The following CLSTN2 variants were observed in gnomAD, a reference collection of about 807,000 sequenced individuals.
The protein encoded by CLSTN2 is calsyntenin 2.
In CLSTN2, 48 loss-of-function variants were observed where a neutral mutation model predicts 101.2. The observed-to-expected ratio is 0.47, with a 90% CI of 0.38 to 0.60. The LOEUF (loss-of-function observed/expected upper bound fraction) is 0.60, where lower values mean the gene tolerates loss of function less well. Among genes scored for constraint, CLSTN2 ranks in the 20% least tolerant of loss-of-function variants. The probability of loss-of-function intolerance (pLI) is 0.00; values close to 1 mark genes in which losing one functional copy is unlikely to be tolerated. For missense variants in CLSTN2, 1,160 were observed against 1,238.2 expected, an observed-to-expected ratio of 0.94 and a Z score of 0.95; for synonymous variants, 481 against 463.6, an observed-to-expected ratio of 1.04 and a Z score of -0.48.
At chr3:140,112,737 C>T (rs912842773) in intron 1 of CLSTN2, among the ~76,000 whole-genome samples, 10 of 152,030 alleles carry the variant, frequency 6.6e-5, no homozygotes, top group Admixed American at 2.0e-4. Flanking sequence ...TAGCAGGCAC[C>T]GTGGTGAGAG....
At position 140,569,565 on chromosome 3, in the gene CLSTN2, CAT is replaced by C. The variant is rs1985458552; in HGVS notation, c.*3317_*3318del. On this transcript the variant is annotated 3_prime_UTR_variant, in exon 17 of 17. Transcript: ENST00000458420. ...GTAGCCTGCCTTAAAAAATACTAAA[CAT>C]ATATCATCATACATTTGATCAAATG... 1 of 152,216 alleles carries C rather than the reference CAT, an allele frequency of 6.6e-6. No homozygotes were observed. The highest frequency in any genetic ancestry group is 6.5e-5 in the Admixed American group (1 of 15,290). The allele number at this position is 152,216 out of a possible 1,614,324, so 9.4% of individuals were successfully genotyped here.
intron 1 of CLSTN2, among the ~76,000 whole-genome samples, chr3:139,993,409 C>T (rs919888820): frequency 3.3e-5 from 5 of 152,132 alleles, no homozygotes; most frequent in Non-Finnish European, 7.3e-5. Flanking sequence ...GGTGGCCCTT[C>T]GTTTCCTAAT....
At chr3:140,121,866 G>A (rs1560101412) in intron 1 of CLSTN2, among the ~76,000 whole-genome samples, 1 of 152,122 alleles carries the variant, frequency 6.6e-6, no homozygotes, top group African/African-American at 2.4e-5. Flanking sequence ...GGAGGACTAC[G>A]CTGCCAACAC....
chr3:140,066,986 A>G (rs1444128757), intron 1 of CLSTN2, among the ~76,000 whole-genome samples: 1 of 152,224 alleles, frequency 6.6e-6, no homozygotes, highest in African/African-American at 2.4e-5. Flanking sequence ...AGTGGATTTC[A>G]TCAATCTCAA....
At chr3:140,390,538 T>C (rs943791106) in intron 2 of CLSTN2, among the ~76,000 whole-genome samples, 29 of 152,356 alleles carry the variant, frequency 1.9e-4, no homozygotes, top group South Asian at 1.0e-3. Flanking sequence ...TTTATGAACA[T>C]AACATGTGAG....
At chr3:140,267,466 A>G (rs1367479752) in intron 2 of CLSTN2, among the ~76,000 whole-genome samples, 1 of 152,190 alleles carries the variant, frequency 6.6e-6, no homozygotes, top group African/African-American at 2.4e-5. Context: ...GTCTATGGAT[A>G]TTGAAGGAAC....
intron 8 of CLSTN2, among the ~76,000 whole-genome samples, chr3:140,510,693 A>G (rs1934794735): frequency 6.6e-6 from 1 of 152,190 alleles, no homozygotes. Flanking sequence ...CTGAGCTGTC[A>G]TGATTACCTT....
intron 2 of CLSTN2, among the ~76,000 whole-genome samples, chr3:140,176,369 A>G (rs914577549): frequency 1.3e-5 from 2 of 152,198 alleles, no homozygotes; most frequent in Non-Finnish European, 2.9e-5. Context: ...AAGTTGGGCT[A>G]GTAAGGTTCT....
chr3:139,967,471 A>G (rs1173558172), intron 1 of CLSTN2, among the ~76,000 whole-genome samples: 2 of 152,172 alleles, frequency 1.3e-5, no homozygotes, highest in African/African-American at 4.8e-5. Flanking sequence ...TTGAGAAAGG[A>G]CAGCCAGGGA....
chr3:140,471,613 T>C (rs1423728864), intron 8 of CLSTN2, among the ~76,000 whole-genome samples: 2 of 152,120 alleles, frequency 1.3e-5, no homozygotes, highest in African/African-American at 4.8e-5. Flanking sequence ...TTATACCCAG[T>C]TTACATATCC....
chr3:140,089,751 C>T (rs540246011), intron 1 of CLSTN2, among the ~76,000 whole-genome samples: 6 of 151,718 alleles, frequency 4.0e-5, no homozygotes, highest in African/African-American at 7.2e-5. Flanking sequence ...GCTGGGACTA[C>T]AGGCATGCAC....
chr3:139,978,073 G>A (rs1935850873), intron 1 of CLSTN2, among the ~76,000 whole-genome samples: 1 of 152,142 alleles, frequency 6.6e-6, no homozygotes, highest in African/African-American at 2.4e-5. Flanking sequence ...ACCAGAGAAA[G>A]GGCTTGTGCA....
At position 140,419,758 on chromosome 3, in the gene CLSTN2, C is replaced by A. The variant is rs1167873384; in HGVS notation, c.638-1367C>A. On this transcript the variant is annotated intron_variant, in intron 4 of 16. Transcript: ENST00000458420. Reference sequence around the variant, plus strand: ...GTATATACGTATATATACACATATACGTGTATACACGTGTATACACGTATA... The same window carrying A: ...GTATATACGTATATATACACATATAAGTGTATACACGTGTATACACGTATA... 3.3e-5 allele frequency among the ~76,000 whole-genome samples: 2 copies of A among 60,436 alleles called. 1 individual carries two copies. Among genetic ancestry groups the A allele is most frequent in the Admixed American group, 2.8e-4 (2 of 7,102 alleles). The allele number at this position is 60,436 out of a possible 152,430, so 39.6% of individuals were successfully genotyped here. A position where few individuals can be genotyped will look rare whatever the true frequency, so the allele number is the denominator to read the frequency against.
chr3:140,425,128 G>A (rs2088552600), intron 5 of CLSTN2, among the ~76,000 whole-genome samples: 1 of 152,220 alleles, frequency 6.6e-6, no homozygotes, highest in South Asian at 2.1e-4. Flanking sequence ...GGAGGGGATT[G>A]CAGCACAGTG....
intron 2 of CLSTN2, among the ~76,000 whole-genome samples, chr3:140,257,559 GGGGTGT>G (rs1369865412): frequency 1.6e-5 from 1 of 64,504 alleles, no homozygotes; most frequent in Non-Finnish European, 3.5e-5. Flanking sequence ...TTTCTTTCTA[GGGGTGT>G]GTGTGTGTGT....
intron 8 of CLSTN2, among the ~76,000 whole-genome samples, chr3:140,484,936 G>A (rs112999418): frequency 0.033 from 4,972 of 151,916 alleles, 276 homozygotes; most frequent in African/African-American, 0.11. Context: ...TAGTTTGATC[G>A]TCTGAAGCCT....
At position 140,563,093 on chromosome 3, in the gene CLSTN2, A is replaced by G; in HGVS notation, c.2372A>G (p.His791Arg). 6.2e-7 allele frequency: 1 copy of G among 1,614,102 alleles called. No homozygotes were observed. The highest frequency in any genetic ancestry group is 1.1e-5 in the South Asian group (1 of 91,082). Residue 791 changes from histidine (H) to arginine (R), a missense_variant, in exon 15 of 17, where the codon CAT becomes CGT. Physicochemically the swap from His to Arg is conservative, Grantham distance 29. Coordinates refer to ENST00000458420, the MANE Select transcript of CLSTN2 (RefSeq NM_022131.3). ...NEFNLEVSIL[H>R]EDQVSDKEHV... ...CACTCTTCCCAGGTCAGCATCCTTC[A>G]TGAAGACCAAGTCTCAGATAAGGAG... is the stretch of plus-strand genomic sequence containing the variant.
intron 8 of CLSTN2, among the ~76,000 whole-genome samples, chr3:140,484,170 A>G (rs1934189325): frequency 6.6e-6 from 1 of 152,132 alleles, no homozygotes; most frequent in Non-Finnish European, 1.5e-5. Context: ...GGTGACAAAA[A>G]TCTCTCAGCA....
At chr3:140,358,531 C>G (rs942041790) in intron 2 of CLSTN2, among the ~76,000 whole-genome samples, 1 of 152,058 alleles carries the variant, frequency 6.6e-6, no homozygotes, top group East Asian at 1.9e-4. Flanking sequence ...ATCAGAAATG[C>G]CTTTCAGCCA....
Sources: allele counts gnomAD v4.1 joint callset (sites outside exome capture counted in the v4.1 genomes callset), GRCh38; gene constraint gnomAD v4.1.1; transcripts MANE v1.5; gene names NCBI Gene and HGNC (gene_info 2026-07-23, HGNC 2026-07-21).